Variants in POLE observed in about 807,000 individuals in gnomAD.
POLE encodes the protein DNA polymerase epsilon, catalytic subunit.
In POLE, 188 loss-of-function variants were observed where a neutral mutation model predicts 279.2. The ratio of observed to expected loss-of-function variants is 0.67; its 90% CI spans 0.60 to 0.76. The LOEUF is 0.76. Ranked by LOEUF, POLE falls within the 30% of genes least tolerant of loss-of-function variation. The probability of loss-of-function intolerance (pLI) is 0.00; values close to 1 mark genes in which losing one functional copy is unlikely to be tolerated. For synonymous variants in POLE, 1,214 were observed against 1,172.5 expected, an observed-to-expected ratio of 1.04 and a Z score of -0.72; for missense variants, 2,703 against 3,016.7, an observed-to-expected ratio of 0.90 and a Z score of 2.44.
At chr12:132,676,392 C>T (rs2043052037) in intron 9 of POLE, 154 bp downstream of exon 9, 2 of 716,676 alleles carry the variant, frequency 2.8e-6, no homozygotes, top group Non-Finnish European at 4.9e-6. Context: ...GGGGAGGGTA[C>T]AGCTGGAGGT....
chr12:132,670,261 A>C (rs2042894313), intron 16 of POLE, among the ~76,000 whole-genome samples: 1 of 151,178 alleles, frequency 6.6e-6, no homozygotes, highest in Non-Finnish European at 1.5e-5. Flanking sequence ...CTGTTATCCC[A>C]GCTACTCAGG....
intron 29 of POLE, among the ~76,000 whole-genome samples, chr12:132,653,435 T>C (rs1482565718): frequency 1.3e-5 from 2 of 152,222 alleles, no homozygotes; most frequent in Non-Finnish European, 2.9e-5. Flanking sequence ...TTACCATGAA[T>C]TTATTCCTTA....
intron 29 of POLE, 144 bp from the exon 30 acceptor site, chr12:132,650,033 A>G: frequency 1.5e-6 from 1 of 660,516 alleles, no homozygotes; most frequent in South Asian, 1.9e-5. Context: ...TAACAGCAAG[A>G]CCCTGTCTCT....
At chr12:132,651,496 T>A (rs2042421209) in intron 29 of POLE, 1 of 152,258 alleles carries the variant, frequency 6.6e-6, no homozygotes, top group South Asian at 2.1e-4. Context: ...TGACCTGCTA[T>A]CTAAATACAT....
chr12:132,635,797 G>T, intron 42 of POLE, 95 bp downstream of exon 42: 1 of 1,372,700 alleles, frequency 7.3e-7, no homozygotes, highest in Non-Finnish European at 1.0e-6. Flanking sequence ...GCTGCTCACG[G>T]CCAGGCCCGC....
In POLE at chr12:132,680,123, C is replaced by G. The variant is rs869312623; in HGVS notation, c.330+55G>C. On this transcript the variant is annotated intron_variant, in intron 4 of 48. Coordinates refer to ENST00000320574, the MANE Select transcript of POLE (RefSeq NM_006231.4). ...CCTTGCCTATTTCCCAGTTGCAAAG[C>G]CCACCACAGAATGACACACAGGTCG... 6.3e-7 allele frequency: 1 copy of G among 1,595,986 alleles called. No individual in the cohort carries two copies. The highest frequency in any genetic ancestry group is 8.6e-7 in the Non-Finnish European group (1 of 1,163,498).
intron 29 of POLE, among the ~76,000 whole-genome samples, chr12:132,651,776 G>A (rs939652651): frequency 3.3e-5 from 5 of 152,234 alleles, no homozygotes; most frequent in African/African-American, 1.2e-4. Flanking sequence ...GAGCTGTCCT[G>A]TGAAGAGCCC....
chr12:132,677,737 A>G lies in POLE; in HGVS notation c.579-18T>C, dbSNP rs1056677187. The G allele has an allele frequency of 1.9e-5, 31 of 1,612,192 alleles. No individual in the cohort carries two copies. The highest frequency in any genetic ancestry group is 2.6e-5 in the Non-Finnish European group (31 of 1,178,830). On this transcript the variant is annotated intron_variant, in intron 6 of 48. Coordinates refer to ENST00000320574, the MANE Select transcript of POLE (RefSeq NM_006231.4). ...GCAGAACACTAGGAATTAACAAGAG[A>G]GCAACTAACTCAGCTGCCAGGGTCT...
In POLE at chr12:132,632,689, G is replaced by A. The variant is rs541439106; in HGVS notation, c.6111C>T (p.Ala2037=). ...CGGGAAGGGCTCCGACCGCCCCCTC[G>A]GCCTCCTGGGAGAGCTGGCTGGCCC... The part of the protein sequence containing the change: ...RRGASQLSQE[A]EGAVGALPGM... Residue 2037 remains alanine (A), a synonymous_variant, in exon 44 of 49, where the codon GCC becomes GCT. Coordinates refer to ENST00000320574, the MANE Select transcript of POLE (RefSeq NM_006231.4). The A allele has an allele frequency of 4.2e-5, 67 of 1,613,852 alleles. No individual in the cohort carries two copies. The highest frequency in any genetic ancestry group is 9.9e-5 in the South Asian group (9 of 91,084).
chr12:132,646,785 T>C (rs1426341381), intron 32 of POLE, among the ~76,000 whole-genome samples: 1 of 128,738 alleles, frequency 7.8e-6, no homozygotes, highest in Non-Finnish European at 1.6e-5. Flanking sequence ...TGAGCCGAGA[T>C]GCGCCACTGG....
At chr12:132,680,474 C>T in intron 3 of POLE, 133 bp downstream of exon 3, 1 of 728,350 alleles carries the variant, frequency 1.4e-6, no homozygotes, top group Middle Eastern at 2.8e-4. Context: ...ACTGATGGGG[C>T]CTCCAGGGGC....
chr12:132,683,537 C>T (rs2043210928), intron 1 of POLE, among the ~76,000 whole-genome samples: 1 of 152,160 alleles, frequency 6.6e-6, no homozygotes, highest in Admixed American at 6.5e-5. Flanking sequence ...GATACACCAC[C>T]ATACTGTATA....
chr12:132,649,086 C>T lies in POLE; in HGVS notation c.4006-14G>A, dbSNP rs1211329104. On this transcript the variant is annotated splice_polypyrimidine_tract_variant and intron_variant, in intron 31 of 48. Coordinates refer to ENST00000320574, the MANE Select transcript of POLE (RefSeq NM_006231.4). ...GGTCTCGCTGATCTGAAAGGCCACACGGACATACAGCACATCACAGGACAC... is the reference window on the plus strand; with the variant it reads ...GGTCTCGCTGATCTGAAAGGCCACATGGACATACAGCACATCACAGGACAC... 3.7e-6 allele frequency: 6 copies of T among 1,608,574 alleles called. No individual in the cohort carries two copies. Among genetic ancestry groups the T allele is most frequent in the South Asian group, 1.1e-5 (1 of 90,724 alleles).
In POLE at chr12:132,632,516, T is replaced by A; in HGVS notation, c.6137-8A>T. ...GAGAGAAGGTGATCATTCCTGGAAG[T>A]ATAAGGATGCTGAGGGAGGGGTCTG... On this transcript the variant is annotated splice_polypyrimidine_tract_variant and splice_region_variant and intron_variant, in intron 44 of 48. Coordinates refer to ENST00000320574, the MANE Select transcript of POLE (RefSeq NM_006231.4). 6.2e-7 allele frequency: 1 copy of A among 1,613,726 alleles called. No individual in the cohort carries two copies. The highest frequency in any genetic ancestry group is 8.5e-7 in the Non-Finnish European group (1 of 1,179,686).
chr12:132,625,812 C>T, intron 46 of POLE, 42 bp from the exon 47 acceptor site: 1 of 1,597,218 alleles, frequency 6.3e-7, no homozygotes, highest in Non-Finnish European at 8.5e-7. Flanking sequence ...GCCCAGCCTC[C>T]AGACCACAGT....
At chr12:132,654,650 G>T (rs1381278874) in intron 29 of POLE, among the ~76,000 whole-genome samples, 2 of 152,148 alleles carry the variant, frequency 1.3e-5, no homozygotes, top group African/African-American at 4.8e-5. Flanking sequence ...AAATTAGCTG[G>T]ATGTGGTGGT....
chr12:132,685,561 C>T (rs544846435), intron 1 of POLE, among the ~76,000 whole-genome samples: 3 of 152,376 alleles, frequency 2.0e-5, no homozygotes, highest in Admixed American at 2.0e-4. Context: ...TAAAAGCCAT[C>T]ACTTGTACTT....
chr12:132,642,453 G>A lies in POLE; in HGVS notation c.4952+53C>T, dbSNP rs5744949. On this transcript the variant is annotated intron_variant, in intron 37 of 48. Transcript: ENST00000320574. ...ACATCGCCGGGTCACAGAGACCACC[G>A]AGGCCGGCTCTGCCTGGGGACCACT... 1.3e-3 allele frequency: 2,006 copies of A among 1,599,762 alleles called. 15 individuals are homozygous for A. The African/African-American group carries it at 0.017, about 14-fold the overall frequency.
intron 12 of POLE, 95 bp from the exon 13 acceptor site, chr12:132,673,802 G>A (rs985182977): frequency 3.4e-6 from 5 of 1,470,202 alleles, no homozygotes; most frequent in Non-Finnish European, 4.7e-6. Context: ...ACAGACAGAT[G>A]CAAGTTCCTA....
Sources: allele counts gnomAD v4.1 joint callset (sites outside exome capture counted in the v4.1 genomes callset), GRCh38; gene constraint gnomAD v4.1.1; transcripts MANE v1.5; gene names NCBI Gene and HGNC (gene_info 2026-07-23, HGNC 2026-07-21).